HDGFL3: variants seen among roughly 807,000 people sequenced by gnomAD.
HDGFL3 encodes hepatoma-derived growth factor-related protein 3.
Under a neutral mutation model 27.6 loss-of-function variants are expected in HDGFL3, and 6 were observed. The ratio of observed to expected loss-of-function variants is 0.22; its 90% CI spans 0.12 to 0.43. The LOEUF is 0.43. Ranked by LOEUF, HDGFL3 falls within the 20% of genes least tolerant of loss-of-function variation. The probability of loss-of-function intolerance (pLI) is 1.00; values close to 1 mark genes in which losing one functional copy is unlikely to be tolerated. For missense variants in HDGFL3, 207 were observed against 250.1 expected (o/e 0.83, Z 1.16); for synonymous variants, 88 against 88.9 (o/e 0.99, Z 0.05).
Position 83,207,304 on chromosome 15 carries a change from G to C in HDGFL3, c.84+27C>G, listed in dbSNP as rs1226377109. ...ATGAAGGGGAAAATGGTGGGCGGGC[G>C]GGCCCGCGCGCGGCCGCGGTACTCA... is the stretch of plus-strand genomic sequence containing the variant. On this transcript the variant is annotated intron_variant, in intron 1 of 5. Coordinates refer to ENST00000299633, the MANE Select transcript of HDGFL3 (RefSeq NM_016073.4). This position sits in a 1 kb window ranked among gnomAD's most constrained non-coding sequence, Gnocchi z 4.8. 4 of 1,324,894 alleles carry C rather than the reference G, an allele frequency of 3.0e-6. No individual in the cohort carries two copies. The highest frequency in any genetic ancestry group is 3.9e-6 in the Non-Finnish European group (4 of 1,027,908). 82.1% of individuals were successfully genotyped at this position (1,324,894 alleles called of 1,614,324 possible).
intron 4 of HDGFL3, among the ~76,000 whole-genome samples, chr15:83,153,252 T>G (rs2036986691): frequency 6.6e-6 from 1 of 152,118 alleles, no homozygotes. Context: ...TCTCCTGACC[T>G]CATGATCTGC....
At chr15:83,191,935 CTTTTTTT>C (rs749998701) in intron 1 of HDGFL3, among the ~76,000 whole-genome samples, 4 of 106,716 alleles carry the variant, frequency 3.7e-5, no homozygotes, top group East Asian at 2.4e-4. Flanking sequence ...CTTATCTCTC[CTTTTTTT>C]TTTTTTTTTT....
intron 3 of HDGFL3, chr15:83,119,553 G>T: frequency 6.2e-7 from 1 of 1,612,394 alleles, no homozygotes; most frequent in South Asian, 1.1e-5. Context: ...ATTTAAAGTG[G>T]ACTTCTTTTT....
intron 3 of HDGFL3, among the ~76,000 whole-genome samples, chr15:83,117,081 C>G (rs2034732728): frequency 6.6e-6 from 1 of 152,154 alleles, no homozygotes; most frequent in African/African-American, 2.4e-5. Flanking sequence ...AGTCTGGGTG[C>G]AGTCGGGGAA....
downstream of HDGFL3, chr15:83,127,415 G>A: frequency 6.2e-7 from 1 of 1,613,982 alleles, no homozygotes; most frequent in Non-Finnish European, 8.5e-7. Flanking sequence ...GTATGGCTTA[G>A]TGGTTCCTGG....
chr15:83,198,320 T>C (rs2037597812), intron 1 of HDGFL3, among the ~76,000 whole-genome samples: 1 of 152,178 alleles, frequency 6.6e-6, no homozygotes, highest in Non-Finnish European at 1.5e-5. Flanking sequence ...ATCCAACTTC[T>C]GTTCTATATA....
chr15:83,174,914 T>C (rs922935214), intron 1 of HDGFL3, among the ~76,000 whole-genome samples: 2 of 152,218 alleles, frequency 1.3e-5, no homozygotes, highest in Non-Finnish European at 2.9e-5. Context: ...CCTGAAGATA[T>C]GTTCTGTTTG....
chr15:83,161,810 A>C (rs544221085), intron 2 of HDGFL3, among the ~76,000 whole-genome samples: 43 of 152,296 alleles, frequency 2.8e-4, no homozygotes, highest in African/African-American at 1.0e-3. Context: ...GTTAATTGCT[A>C]TATGTTTTAA....
chr15:83,176,751 T>C (rs2037316787), intron 1 of HDGFL3, among the ~76,000 whole-genome samples: 1 of 152,086 alleles, frequency 6.6e-6, no homozygotes, highest in Non-Finnish European at 1.5e-5. Flanking sequence ...TGCGGATGGG[T>C]TGCTTTCATT....
At position 83,131,043 on chromosome 15, in the gene HDGFL3, CTG is replaced by C. The variant is rs2151381598; in HGVS notation, c.*8225_*8226del. 6.6e-6 allele frequency: 1 copy of C among 152,156 alleles called. No homozygotes were observed. The highest frequency in any genetic ancestry group is 2.4e-5 in the African/African-American group (1 of 41,506). The allele number at this position is 152,156 out of a possible 1,614,324, so 9.4% of individuals were successfully genotyped here. On this transcript the variant is annotated 3_prime_UTR_variant, in exon 6 of 6. Coordinates refer to ENST00000299633, the MANE Select transcript of HDGFL3 (RefSeq NM_016073.4). ...AGGCAGAGGTTGCAGTGAGCCGAGA[CTG>C]TGTCACTGCACTCTCCAGCCCAGGT...
At chr15:83,178,182 T>A (rs2037336057) in intron 1 of HDGFL3, among the ~76,000 whole-genome samples, 1 of 152,200 alleles carries the variant, frequency 6.6e-6, no homozygotes, top group Non-Finnish European at 1.5e-5. Flanking sequence ...GTTGGCTCAG[T>A]TTTAATGAAT....
chr15:83,164,381 A>AAAAAAAAAAAAAAAAAT, intron 1 of HDGFL3, among the ~76,000 whole-genome samples: 2 of 150,374 alleles, frequency 1.3e-5, no homozygotes, highest in African/African-American at 2.4e-5. Context: ...AAAAAAAAAA[A>AAAAAAAAAAAAAAAAAT]AAAAAAAAAA....
At chr15:83,204,453 AC>A (rs1324222619) in intron 1 of HDGFL3, among the ~76,000 whole-genome samples, 1 of 152,160 alleles carries the variant, frequency 6.6e-6, no homozygotes, top group Non-Finnish European at 1.5e-5. Context: ...AATAAGAGGA[AC>A]TATTATGTAG....
rs1284607933 is a variant in HDGFL3 at position 83,151,346 on chromosome 15, A to G, written c.475T>C (p.Ser159Pro). ...SYTSKKSSKQ[S>P]RKSPGDEDDK... ...TCTTCATCTCCTGGAGATTTCCGGG[A>G]CTGTTTAGAGGATTTCTAAATGTTT... Residue 159 changes from serine (S) to proline (P), a missense_variant, in exon 5 of 6, where the codon TCC (serine) becomes CCC (proline). By Grantham distance (74) the Ser-to-Pro change is moderately conservative. Coordinates refer to ENST00000299633, the MANE Select transcript of HDGFL3 (RefSeq NM_016073.4). 6.2e-7 allele frequency: 1 copy of G among 1,612,406 alleles called. No homozygotes were observed. Among genetic ancestry groups the G allele is most frequent in the African/African-American group, 1.3e-5 (1 of 74,736 alleles).
chr15:83,150,876 AT>A (rs1256828169), intron 5 of HDGFL3, among the ~76,000 whole-genome samples: 1 of 152,314 alleles, frequency 6.6e-6, no homozygotes, highest in East Asian at 1.9e-4. Context: ...CATGCCATTG[AT>A]TTTGTGATAA....
downstream of HDGFL3, among the ~76,000 whole-genome samples, chr15:83,126,345 G>A (rs2035750523): frequency 6.6e-6 from 1 of 152,172 alleles, no homozygotes; most frequent in South Asian, 2.1e-4. Flanking sequence ...CTGGAGACAG[G>A]AAGGTGCTAT....
chr15:83,190,686 A>T (rs2037501198), intron 1 of HDGFL3, among the ~76,000 whole-genome samples: 1 of 152,060 alleles, frequency 6.6e-6, no homozygotes, highest in African/African-American at 2.4e-5. Flanking sequence ...GGTTCTATGT[A>T]TGGTAAGCAT....
Position 83,138,983 on chromosome 15 carries a change from T to C in HDGFL3, c.*287A>G. The C allele has an allele frequency of 4.0e-6, 1 of 250,522 alleles. No individual in the cohort carries two copies. The highest frequency in any genetic ancestry group is 6.7e-5 in the East Asian group (1 of 14,876). 15.5% of individuals were successfully genotyped at this position (250,522 alleles called of 1,614,324 possible). A position where few individuals can be genotyped will look rare whatever the true frequency, so the allele number is the denominator to read the frequency against. ...CATAACTGCCTTGATAAAAGGATCC[T>C]AGACATGTATAAGTCTGCGCAAAAA... On this transcript the variant is annotated 3_prime_UTR_variant, in exon 6 of 6. Transcript: ENST00000299633.
rs892098093 is a variant in HDGFL3, at chr15:83,128,639, G to GTCTT, written c.*10627_*10630dup. Reference sequence around the variant, plus strand: ...ACTCCTGTATTTCATTCCAAACTCAGTCTTTTTACTTGCATGCCTCACTAG... The same window carrying GTCTT: ...ACTCCTGTATTTCATTCCAAACTCAGTCTTTCTTTTTACTTGCATGCCTCACTAG... On this transcript the variant is annotated 3_prime_UTR_variant, in exon 6 of 6. Transcript: ENST00000299633. The GTCTT allele has an allele frequency of 2.6e-5, 4 of 152,040 alleles. No homozygotes were observed. The highest frequency in any genetic ancestry group is 9.7e-5 in the African/African-American group (4 of 41,382). The allele number at this position is 152,040 out of a possible 1,614,324, so 9.4% of individuals were successfully genotyped here.
Sources: allele counts gnomAD v4.1 joint callset (sites outside exome capture counted in the v4.1 genomes callset), GRCh38; gene constraint gnomAD v4.1.1; non-coding constraint Gnocchi (gnomAD v3.1); transcripts MANE v1.5; gene names NCBI Gene and HGNC (gene_info 2026-07-23, HGNC 2026-07-21).